FAM162B: variants seen among roughly 807,000 people sequenced by gnomAD.
FAM162B encodes the protein family with sequence similarity 162 member B.
FAM162B carries 16 observed loss-of-function variants against 20.0 expected under a neutral mutation model. That is an observed-to-expected ratio of 0.80 (90% CI 0.54 to 1.21). FAM162B has a LOEUF of 1.21. Ranked by LOEUF, FAM162B falls within the 50% of genes most tolerant of loss-of-function variation. The pLI is 0.00. For synonymous variants in FAM162B, 83 were observed against 89.7 expected (o/e 0.93, Z 0.42); for missense variants, 260 against 227.5 (o/e 1.14, Z -0.92).
At position 116,765,543 on chromosome 6, in the gene FAM162B, C is replaced by T. The variant is rs1268134068; in HGVS notation, c.34G>A (p.Gly12Ser). The T allele has an allele frequency of 7.2e-7, 1 of 1,388,784 alleles. No individual in the cohort carries two copies. Among genetic ancestry groups the T allele is most frequent in the Non-Finnish European group, 9.3e-7 (1 of 1,079,904 alleles). The allele number at this position is 1,388,784 out of a possible 1,614,324, so 86.0% of individuals were successfully genotyped here. Residue 12 changes from glycine to serine, a missense_variant, in exon 1 of 4, where the codon GGC becomes AGC. Physicochemically the swap from Gly to Ser is moderately conservative, Grantham distance 56 (BLOSUM62 0). Coordinates refer to ENST00000368557, the MANE Select transcript of FAM162B (RefSeq NM_001085480.3). The part of the protein sequence containing the change: ...LRAVGSLLRL[G>S]RGLTVRCGPG... The stretch of plus-strand genomic sequence containing the variant: ...CCGCAGCGGACTGTTAGCCCGCGGC[C>T]AAGGCGCAGTAGGCTCCCGACCGCC...
chr6:116,759,477 A>AT (rs541437017), intron 3 of FAM162B, among the ~76,000 whole-genome samples: 158 of 139,024 alleles, frequency 1.1e-3, no homozygotes, highest in South Asian at 3.0e-3. Flanking sequence ...ATTTTTTTGT[A>AT]TTTTTTTTTT....
chr6:116,759,208 A>G (rs944023949), intron 3 of FAM162B, among the ~76,000 whole-genome samples: 3 of 150,814 alleles, frequency 2.0e-5, no homozygotes, highest in African/African-American at 7.3e-5. Flanking sequence ...CTTTATATAG[A>G]TATTGCATGA....
intron 2 of FAM162B, 142 bp from the exon 3 acceptor site, chr6:116,762,227 T>C (rs1053414434): frequency 6.9e-6 from 4 of 576,490 alleles, no homozygotes; most frequent in Non-Finnish European, 1.2e-5. Context: ...GTGAAAGACT[T>C]TGAAATGCTA....
rs1163983097 is a variant in FAM162B, at chr6:116,756,543, T to TAGCCA, written c.391-3849_391-3848insTGGCT. On this transcript the variant is annotated intron_variant, in intron 3 of 3. Transcript: ENST00000368557. ...TACATAAACTTAGTTAATAAAGTAGTGGTAGGGTTTGAGAGAACTGACTCC... is the reference window on the plus strand; with the variant it reads ...TACATAAACTTAGTTAATAAAGTAGTAGCCAGGTAGGGTTTGAGAGAACTGACTCC... Among the ~76,000 whole-genome samples the TAGCCA allele has an allele frequency of 2.6e-5, 4 of 152,326 alleles. No homozygotes were observed. In the East Asian group the frequency reaches 7.7e-4, roughly 29 times the overall value.
chr6:116,761,544 C>T (rs1319812815), intron 3 of FAM162B, among the ~76,000 whole-genome samples: 2 of 150,924 alleles, frequency 1.3e-5, no homozygotes, highest in African/African-American at 4.9e-5. Context: ...ATTTGTCCCT[C>T]CTGGCCATAT....
chr6:116,760,218 A>G (rs1438852751), intron 3 of FAM162B, among the ~76,000 whole-genome samples: 2 of 152,340 alleles, frequency 1.3e-5, no homozygotes, highest in East Asian at 3.9e-4. Context: ...AAACAGAGCA[A>G]TAACTGGTGC....
In FAM162B at chr6:116,752,755, T is replaced by TATATACAC. The variant is rs71012341; in HGVS notation, c.391-61_391-60insGTGTATAT. 472 of 432,946 alleles carry TATATACAC rather than the reference T, an allele frequency of 1.1e-3. 1 individual carries two copies. Among genetic ancestry groups the TATATACAC allele is most frequent in the Non-Finnish European group, 1.3e-3 (383 of 296,766 alleles). The allele number at this position is 432,946 out of a possible 1,614,324, so 26.8% of individuals were successfully genotyped here. A position where few individuals can be genotyped will look rare whatever the true frequency, so the allele number is the denominator to read the frequency against. Reference sequence around the variant, plus strand: ...ATATAGATACACGTATATATATATATATACATATATGTATATATATCTCAC... The same window carrying TATATACAC: ...ATATAGATACACGTATATATATATATATATACACATACATATATGTATATATATCTCAC... On this transcript the variant is annotated intron_variant, in intron 3 of 3. Coordinates refer to ENST00000368557, the MANE Select transcript of FAM162B (RefSeq NM_001085480.3).
intron 2 of FAM162B, among the ~76,000 whole-genome samples, chr6:116,762,901 T>C (rs964783620): frequency 1.3e-5 from 2 of 152,254 alleles, no homozygotes; most frequent in African/African-American, 4.8e-5. Flanking sequence ...ATTATAAATA[T>C]GCATATTTAA....
At chr6:116,755,861 C>T (rs1780045473) in intron 3 of FAM162B, among the ~76,000 whole-genome samples, 1 of 152,148 alleles carries the variant, frequency 6.6e-6, no homozygotes, top group Non-Finnish European at 1.5e-5. Context: ...TATCTGCTTA[C>T]ATGGCTTTCT....
rs768247003 is a variant in FAM162B at position 116,765,218 on chromosome 6, C to A, written c.210G>T (p.Ser70=). Residue 70 remains serine, a synonymous_variant, in exon 2 of 4, where the codon TCG becomes TCT. Coordinates refer to ENST00000368557, the MANE Select transcript of FAM162B (RefSeq NM_001085480.3). The part of the protein sequence containing the change: ...IHRVPTQRRP[S]QFDKKILLWT... ...ACAGCAGGATTTTCTTGTCGAACTG[C>A]GAAGGCCTGCGCTGCGTGGGGACTC... The A allele has an allele frequency of 6.2e-7, 1 of 1,613,754 alleles. No individual in the cohort carries two copies. Among genetic ancestry groups the A allele is most frequent in the Non-Finnish European group, 8.5e-7 (1 of 1,179,966 alleles).
At chr6:116,755,657 A>G (rs1354791500) in intron 3 of FAM162B, among the ~76,000 whole-genome samples, 2 of 152,198 alleles carry the variant, frequency 1.3e-5, no homozygotes, top group East Asian at 1.9e-4. Context: ...ACTTTCAGAG[A>G]TAGAGAGAAG....
chr6:116,760,762 A>G (rs2037552079), intron 3 of FAM162B, among the ~76,000 whole-genome samples: 1 of 152,148 alleles, frequency 6.6e-6, no homozygotes, highest in African/African-American at 2.4e-5. Flanking sequence ...CAAAGCATAG[A>G]TTTTTTCCAT....
intron 3 of FAM162B, among the ~76,000 whole-genome samples, chr6:116,753,794 C>T (rs1040357179): frequency 1.2e-4 from 18 of 152,046 alleles, no homozygotes; most frequent in African/African-American, 3.4e-4. Flanking sequence ...AGCTAGAGAA[C>T]GGAAAGACTA....
rs1562466622 is a variant in FAM162B at position 116,752,715 on chromosome 6, T to C, written c.391-20A>G. On this transcript the variant is annotated intron_variant, in intron 3 of 3. Transcript: ENST00000368557. Reference sequence around the variant, plus strand: ...TACAGCCTGTGGGGGGGAAGAAATATATATATATATATATATATAGATACA... The same window carrying C: ...TACAGCCTGTGGGGGGGAAGAAATACATATATATATATATATATAGATACA... 8.0e-6 allele frequency: 1 copy of C among 124,434 alleles called. No individual in the cohort carries two copies. The highest frequency in any genetic ancestry group is 2.2e-4 in the East Asian group (1 of 4,526). 7.7% of individuals were successfully genotyped at this position (124,434 alleles called of 1,614,324 possible).
intron 3 of FAM162B, among the ~76,000 whole-genome samples, chr6:116,753,919 G>A (rs555238721): frequency 2.6e-5 from 4 of 152,246 alleles, no homozygotes; most frequent in South Asian, 2.1e-4. Context: ...GTGGTACCAC[G>A]GAAACCAAGC....
intron 3 of FAM162B, among the ~76,000 whole-genome samples, chr6:116,760,038 G>A (rs1352797550): frequency 1.3e-5 from 2 of 152,078 alleles, no homozygotes; most frequent in Non-Finnish European, 2.9e-5. Context: ...TTTAGTTTAT[G>A]TGTTTACTTG....
rs1319575278 is a variant in FAM162B at position 116,752,635 on chromosome 6, C to A, written c.451G>T (p.Glu151Ter). The part of the protein sequence containing the change: ...WNLAKKAKWR[E>*]EAALAAQAKA... ...GCCTGTGCAGCCAATGCAGCTTCTT[C>A]ACGCCACTTAGCTTTCTTTGCCAAG... Residue 151 changes from glutamate (E) to a stop codon, truncating the protein, a stop_gained, in exon 4 of 4, where the codon GAA (glutamate) becomes TAA (stop). Transcript: ENST00000368557. LOFTEE classifies it high-confidence loss of function. 18 of 1,595,096 alleles carry A rather than the reference C, an allele frequency of 1.1e-5. No individual in the cohort carries two copies. The highest frequency in any genetic ancestry group is 2.3e-5 in the East Asian group (1 of 44,246).
chr6:116,754,252 T>A (rs1780027818), intron 3 of FAM162B, among the ~76,000 whole-genome samples: 1 of 152,120 alleles, frequency 6.6e-6, no homozygotes, highest in Non-Finnish European at 1.5e-5. Flanking sequence ...CTAGACATAG[T>A]TTTAGCAGCT....
intron 3 of FAM162B, 91 bp downstream of exon 3, chr6:116,761,886 T>G: frequency 1.1e-6 from 1 of 891,664 alleles, no homozygotes; most frequent in Non-Finnish European, 1.7e-6. Context: ...AAGGAGGTAC[T>G]CACCCTTTTG....
Sources: gnomAD v4.1 joint callset for allele counts (sites outside exome capture counted in the v4.1 genomes callset) on GRCh38, gnomAD v4.1.1 for gene constraint, MANE v1.5 for transcripts, NCBI Gene and HGNC (gene_info 2026-07-23, HGNC 2026-07-21) for gene names.